Variants in ADAMTS16 observed in about 807,000 individuals in gnomAD.
ADAMTS16 encodes ADAM metallopeptidase with thrombospondin type 1 motif 16.
In ADAMTS16, 94 loss-of-function variants were observed where a neutral mutation model predicts 145.8. The observed-to-expected ratio is 0.64, with a 90% CI of 0.55 to 0.77. The LOEUF is 0.77. Among genes scored for constraint, ADAMTS16 ranks in the 30% least tolerant of loss-of-function variants. ADAMTS16 has a pLI of 0.00. For synonymous variants in ADAMTS16, 659 were observed against 604.3 expected (o/e 1.09, Z -1.33); for missense variants, 1,585 against 1,591.5 (o/e 1.00, Z 0.07).
At position 5,202,016 on chromosome 5, in the gene ADAMTS16, G is replaced by A. The variant is rs1388805264; in HGVS notation, c.1451+1747G>A. Among the ~76,000 whole-genome samples the A allele has an allele frequency of 2.6e-5, 4 of 151,852 alleles. No individual in the cohort carries two copies. In the South Asian group the frequency reaches 6.2e-4, roughly 24 times the overall value. ...TTCTTATTTCTAAGACACTATTTGA[G>A]TAGCAGGATCACACCAGTACTTCTG... On this transcript the variant is annotated intron_variant, in intron 9 of 22. Transcript: ENST00000274181.
chr5:5,222,044 G>A (rs1361659276), intron 10 of ADAMTS16, among the ~76,000 whole-genome samples: 1 of 152,204 alleles, frequency 6.6e-6, no homozygotes, highest in Non-Finnish European at 1.5e-5. Context: ...CATTTCACAA[G>A]TCCTACTGTT....
intron 18 of ADAMTS16, among the ~76,000 whole-genome samples, chr5:5,263,275 T>A (rs1341079444): frequency 6.6e-6 from 1 of 152,174 alleles, no homozygotes; most frequent in Non-Finnish European, 1.5e-5. Flanking sequence ...CCCTCACTGC[T>A]ACTGCCCCTA....
intron 18 of ADAMTS16, among the ~76,000 whole-genome samples, chr5:5,264,883 T>G (rs1333483130): frequency 6.6e-6 from 1 of 152,214 alleles, no homozygotes; most frequent in East Asian, 1.9e-4. Flanking sequence ...GTGGAGTTGA[T>G]GGACACACAC....
chr5:5,264,931 C>CTGG (rs1738180429), intron 18 of ADAMTS16, among the ~76,000 whole-genome samples: 1 of 152,202 alleles, frequency 6.6e-6, no homozygotes, highest in Non-Finnish European at 1.5e-5. Flanking sequence ...CCTGAGCCAA[C>CTGG]CCTGTGGGCC....
At chr5:5,238,820 G>T (rs1268561658) in intron 14 of ADAMTS16, among the ~76,000 whole-genome samples, 1 of 152,172 alleles carries the variant, frequency 6.6e-6, no homozygotes, top group Admixed American at 6.5e-5. Context: ...TAGACACATT[G>T]CTTGTCATTG....
intron 10 of ADAMTS16, among the ~76,000 whole-genome samples, chr5:5,221,925 G>T (rs1356828655): frequency 6.6e-6 from 1 of 152,118 alleles, no homozygotes; most frequent in Admixed American, 6.6e-5. Flanking sequence ...ATTTCTTGGG[G>T]GAATAATGCA....
At chr5:5,227,184 C>T (rs896770682) in intron 11 of ADAMTS16, among the ~76,000 whole-genome samples, 1 of 152,352 alleles carries the variant, frequency 6.6e-6, no homozygotes, top group South Asian at 2.1e-4. Flanking sequence ...ATCTATGATG[C>T]CCATTTGATG....
At chr5:5,184,005 C>A (rs919823670) in intron 4 of ADAMTS16, among the ~76,000 whole-genome samples, 6 of 152,200 alleles carry the variant, frequency 3.9e-5, no homozygotes, top group Non-Finnish European at 5.9e-5. Context: ...TGCTGTTTGC[C>A]AAATATTTCC....
intron 18 of ADAMTS16, among the ~76,000 whole-genome samples, chr5:5,275,910 G>C (rs190781574): frequency 1.3e-5 from 2 of 151,482 alleles, no homozygotes; most frequent in East Asian, 1.9e-4. Context: ...ACCCAGGCTG[G>C]AGTGCAGTGG....
In ADAMTS16 at chr5:5,250,052, G is replaced by T. The variant is rs568588667; in HGVS notation, c.2662+7861G>T. On this transcript the variant is annotated intron_variant, in intron 17 of 22. Coordinates refer to ENST00000274181, the MANE Select transcript of ADAMTS16 (RefSeq NM_139056.4). Reference sequence around the variant, plus strand: ...CGATGTTCACATGCTTCTCTCTTCCGTGTATGTGTGTGTCCACTGAGTCTG... The same window carrying T: ...CGATGTTCACATGCTTCTCTCTTCCTTGTATGTGTGTGTCCACTGAGTCTG... 2.6e-5 allele frequency among the ~76,000 whole-genome samples: 4 copies of T among 152,274 alleles called. No homozygotes were observed. In the South Asian group the frequency reaches 8.3e-4, roughly 32 times the overall value.
chr5:5,190,190 A>G, intron 7 of ADAMTS16, 60 bp downstream of exon 7: 6 of 1,485,972 alleles, frequency 4.0e-6, no homozygotes, highest in Non-Finnish European at 5.4e-6. Flanking sequence ...TGGCCGTGAC[A>G]CAGTGTTGAG....
At chr5:5,233,480 C>T (rs1469715223) in intron 12 of ADAMTS16, among the ~76,000 whole-genome samples, 2 of 152,148 alleles carry the variant, frequency 1.3e-5, no homozygotes, top group African/African-American at 2.4e-5. Flanking sequence ...TTGCAGTCCT[C>T]TCCTTCCTCC....
At chr5:5,143,918 G>C (rs1734229293) in intron 2 of ADAMTS16, among the ~76,000 whole-genome samples, 1 of 152,124 alleles carries the variant, frequency 6.6e-6, no homozygotes, top group African/African-American at 2.4e-5. Flanking sequence ...CTCGTAAGTG[G>C]GAGTTGAACA....
At chr5:5,174,614 G>A (rs1312484145) in intron 3 of ADAMTS16, among the ~76,000 whole-genome samples, 1 of 151,982 alleles carries the variant, frequency 6.6e-6, no homozygotes, top group Non-Finnish European at 1.5e-5. Context: ...TCTAGATCTT[G>A]TAGGCATGCT....
chr5:5,284,077 T>C (rs1395134257), intron 18 of ADAMTS16, among the ~76,000 whole-genome samples: 2 of 152,280 alleles, frequency 1.3e-5, no homozygotes, highest in African/African-American at 2.4e-5. Flanking sequence ...TTTTGCTATA[T>C]GACTGTCTTC....
At chr5:5,197,316 A>G (rs946904431) in intron 8 of ADAMTS16, among the ~76,000 whole-genome samples, 2 of 152,270 alleles carry the variant, frequency 1.3e-5, no homozygotes, top group East Asian at 3.8e-4. Context: ...ATTGTAGAAG[A>G]TGATAAAAGC....
At chr5:5,270,372 G>A (rs1390715657) in intron 18 of ADAMTS16, among the ~76,000 whole-genome samples, 4 of 152,226 alleles carry the variant, frequency 2.6e-5, no homozygotes, top group Non-Finnish European at 4.4e-5. Context: ...CAAAGGTGCA[G>A]CCGTGACACT....
intron 17 of ADAMTS16, among the ~76,000 whole-genome samples, chr5:5,251,925 C>T (rs1737636881): frequency 6.6e-6 from 1 of 152,108 alleles, no homozygotes; most frequent in African/African-American, 2.4e-5. Flanking sequence ...GGCGCGACCT[C>T]GGCTCACTGC....
chr5:5,184,107 G>A (rs555404912), intron 4 of ADAMTS16, among the ~76,000 whole-genome samples: 16 of 152,292 alleles, frequency 1.1e-4, no homozygotes, highest in South Asian at 2.1e-4. Flanking sequence ...GGAAAAGTGA[G>A]CAGAATCAAC....
Sources: allele counts gnomAD v4.1 joint callset (sites outside exome capture counted in the v4.1 genomes callset), GRCh38; gene constraint gnomAD v4.1.1; transcripts MANE v1.5; gene names NCBI Gene and HGNC (gene_info 2026-07-23, HGNC 2026-07-21).